Variants in ESR1 observed in about 807,000 individuals in gnomAD.
ESR1 encodes estrogen receptor.
Under a neutral mutation model 52.7 loss-of-function variants are expected in ESR1, and 12 were observed. The observed-to-expected ratio is 0.23, with a 90% CI of 0.15 to 0.37. ESR1 has a LOEUF of 0.37. Ranked by LOEUF, ESR1 falls within the 10% of genes least tolerant of loss-of-function variation. The pLI is 1.00. For synonymous variants in ESR1, 305 were observed against 316.8 expected (o/e 0.96, Z 0.39); for missense variants, 584 against 779.7 (o/e 0.75, Z 2.99).
chr6:151,730,416 C>T (rs188453639), intron 2 of ESR1, among the ~76,000 whole-genome samples: 1 of 152,230 alleles, frequency 6.6e-6, no homozygotes, highest in Admixed American at 6.5e-5. Flanking sequence ...GGTCTGGCCT[C>T]CCATTTTCCA....
At chr6:152,019,240 T>C (rs1262754744) in intron 5 of ESR1, among the ~76,000 whole-genome samples, 2 of 152,178 alleles carry the variant, frequency 1.3e-5, no homozygotes, top group African/African-American at 4.8e-5. Context: ...AATTCAATGA[T>C]ACCTGAACTA....
intron 1 of ESR1, among the ~76,000 whole-genome samples, chr6:151,700,596 C>T (rs552329604): frequency 6.6e-6 from 1 of 151,788 alleles, no homozygotes; most frequent in African/African-American, 2.4e-5. Context: ...GCTATCAGTC[C>T]ACTGGCCCCT....
At chr6:151,989,711 A>C (rs535822375) in intron 4 of ESR1, among the ~76,000 whole-genome samples, 1 of 152,126 alleles carries the variant, frequency 6.6e-6, no homozygotes, top group Non-Finnish European at 1.5e-5. Context: ...TCTCATGGTA[A>C]GTAAGTAAAG....
At chr6:151,695,591 G>A (rs1414637432) in intron 1 of ESR1, among the ~76,000 whole-genome samples, 3 of 152,148 alleles carry the variant, frequency 2.0e-5, no homozygotes, top group African/African-American at 7.2e-5. Context: ...TTTGCAAACG[G>A]ATGATCTGCA....
chr6:151,985,069 A>C (rs2982684), intron 4 of ESR1, among the ~76,000 whole-genome samples: 130,899 of 151,992 alleles, frequency 0.86, 56,785 homozygotes, highest in Middle Eastern at 0.94. Flanking sequence ...AATGTCCCCC[A>C]ACATAGAGTA....
At chr6:151,872,526 T>C (rs1438920713) in intron 2 of ESR1, among the ~76,000 whole-genome samples, 1 of 152,250 alleles carries the variant, frequency 6.6e-6, no homozygotes, top group Non-Finnish European at 1.5e-5. Flanking sequence ...GTGAATACTT[T>C]TAATCCTTCA....
chr6:151,814,025 C>T (rs1779234518), intron 1 of ESR1: 1 of 152,148 alleles, frequency 6.6e-6, no homozygotes, highest in Admixed American at 6.6e-5. Flanking sequence ...GGTCCACGCT[C>T]CTTGGTTCCA....
rs80167015 is a variant in ESR1 at position 151,877,113 on chromosome 6, CT to C, written c.644-3532del. Among the ~76,000 whole-genome samples the C allele has an allele frequency of 2.9e-3, 431 of 148,762 alleles. 2 individuals are homozygous for C. Among genetic ancestry groups the C allele is most frequent in the African/African-American group, 8.3e-3 (337 of 40,664 alleles). On this transcript the variant is annotated intron_variant, in intron 2 of 7. Coordinates refer to ENST00000206249, the MANE Select transcript of ESR1 (RefSeq NM_000125.4). Reference sequence around the variant, plus strand: ...TAATAAAATTTAAAAAGAATTTCTTCTTTTTTTTTTATTATACTTTAAGTTT... The same window carrying C: ...TAATAAAATTTAAAAAGAATTTCTTCTTTTTTTTTATTATACTTTAAGTTT...
chr6:151,916,817 G>A (rs2030335216), intron 3 of ESR1, among the ~76,000 whole-genome samples: 2 of 152,152 alleles, frequency 1.3e-5, no homozygotes, highest in Non-Finnish European at 2.9e-5. Context: ...TTGGTACTCT[G>A]GGCCTTGATA....
At chr6:151,771,254 ATTG>A (rs1291324683) in intron 2 of ESR1, among the ~76,000 whole-genome samples, 9 of 152,154 alleles carry the variant, frequency 5.9e-5, no homozygotes, top group Non-Finnish European at 1.2e-4. Flanking sequence ...ATCCATGCCT[ATTG>A]TTGTCCTCCT....
chr6:151,710,058 C>T (rs1281208566), intron 2 of ESR1, among the ~76,000 whole-genome samples: 2 of 151,838 alleles, frequency 1.3e-5, no homozygotes, highest in Non-Finnish European at 2.9e-5. Flanking sequence ...ATTGTTTAAA[C>T]ATCACATGTT....
At chr6:151,747,877 A>T (rs1337646626) in intron 2 of ESR1, among the ~76,000 whole-genome samples, 1 of 152,146 alleles carries the variant, frequency 6.6e-6, no homozygotes, top group Non-Finnish European at 1.5e-5. Context: ...TTATTTTCTC[A>T]TTCATGAGTT....
intron 1 of ESR1, among the ~76,000 whole-genome samples, chr6:151,683,562 C>T (rs1235982153): frequency 1.3e-5 from 2 of 152,022 alleles, no homozygotes; most frequent in African/African-American, 4.8e-5. Context: ...CAATCAACTG[C>T]AATCCATTGG....
intron 2 of ESR1, among the ~76,000 whole-genome samples, chr6:151,742,298 G>A (rs1346915555): frequency 1.3e-5 from 2 of 152,156 alleles, no homozygotes; most frequent in Non-Finnish European, 2.9e-5. Flanking sequence ...GGATCACAGA[G>A]TAATTCTATT....
intron 3 of ESR1, among the ~76,000 whole-genome samples, chr6:151,941,860 G>A (rs1041048824): frequency 1.3e-5 from 2 of 152,180 alleles, no homozygotes; most frequent in Admixed American, 6.5e-5. Flanking sequence ...GGCTCATAAA[G>A]AACAAGTTGA....
chr6:151,832,358 T>C (rs1013213773), intron 1 of ESR1, among the ~76,000 whole-genome samples: 31 of 152,142 alleles, frequency 2.0e-4, no homozygotes, highest in African/African-American at 6.3e-4. Context: ...GTCCTTCTTG[T>C]CAATTCTTTT....
At chr6:151,925,132 G>T (rs532297235) in intron 3 of ESR1, among the ~76,000 whole-genome samples, 2 of 143,870 alleles carry the variant, frequency 1.4e-5, no homozygotes, top group South Asian at 2.1e-4. Flanking sequence ...GGTTTTTTTT[G>T]TTTGTTTGTT....
Position 151,937,044 on chromosome 6 carries a change from C to T in ESR1, c.761-7129C>T, listed in dbSNP as rs536887461. Among the ~76,000 whole-genome samples, 11 of 152,072 alleles carry T rather than the reference C, an allele frequency of 7.2e-5. 2 individuals are homozygous for T. Among genetic ancestry groups the T allele is most frequent in the African/African-American group, 2.4e-4 (10 of 41,444 alleles). ...GAAGTAGTATAAAAAGGGGCACAGG[C>T]TTATCCTTGTTTTATAAAAAACAAA... On this transcript the variant is annotated intron_variant, in intron 3 of 7. Transcript: ENST00000206249.
chr6:151,723,581 G>A (rs957884881), intron 2 of ESR1, among the ~76,000 whole-genome samples: 13 of 152,220 alleles, frequency 8.5e-5, no homozygotes, highest in African/African-American at 2.9e-4. Flanking sequence ...ACAAAACAGC[G>A]CTTGTGGCCG....
Sources: allele counts gnomAD v4.1 joint callset (sites outside exome capture counted in the v4.1 genomes callset), GRCh38; gene constraint gnomAD v4.1.1; transcripts MANE v1.5; gene names NCBI Gene and HGNC (gene_info 2026-07-23, HGNC 2026-07-21).